TIE1: variants seen among roughly 807,000 people sequenced by gnomAD.
TIE1 encodes the protein tyrosine kinase with immunoglobulin like and EGF like domains 1.
Under a neutral mutation model 130.5 loss-of-function variants are expected in TIE1, and 89 were observed. That is an observed-to-expected ratio of 0.68 (90% CI 0.57 to 0.81). The LOEUF (loss-of-function observed/expected upper bound fraction) is 0.81. Among genes scored for constraint, TIE1 ranks in the 40% least tolerant of loss-of-function variants. The pLI, the probability that TIE1 is intolerant of heterozygous loss-of-function variation, is 0.00. For synonymous variants in TIE1, 568 were observed against 629.4 expected, an observed-to-expected ratio of 0.90 and a Z score of 1.46; for missense variants, 1,392 against 1,559.8, an observed-to-expected ratio of 0.89 and a Z score of 1.81.
At chr1:43,320,638 G>A (rs1646905011) in intron 19 of TIE1, 1 of 152,196 alleles carries the variant, frequency 6.6e-6, no homozygotes, top group Non-Finnish European at 1.5e-5. Context: ...AGATCACAAG[G>A]TCAGGAGATC....
Position 43,312,703 on chromosome 1 carries a change from C to T in TIE1, c.1927+102C>T. 2.2e-6 allele frequency: 3 copies of T among 1,351,114 alleles called. No homozygotes were observed. In the South Asian group the frequency reaches 4.3e-5, roughly 19 times the overall value. The allele number at this position is 1,351,114 out of a possible 1,614,324, so 83.7% of individuals were successfully genotyped here. ...CGGGAGGCTGTAGGAGATTAATGGA[C>T]ATGGAGAGGACACAGGACACACATA... On this transcript the variant is annotated intron_variant, in intron 12 of 22. Transcript: ENST00000372476. This position sits in a 1 kb window ranked among gnomAD's most constrained non-coding sequence, Gnocchi z 5.6.
Position 43,305,219 on chromosome 1 carries a change from C to T in TIE1, c.374-14C>T, listed in dbSNP as rs904551111. On this transcript the variant is annotated splice_polypyrimidine_tract_variant and intron_variant, in intron 2 of 22. Transcript: ENST00000372476. Reference sequence around the variant, plus strand: ...GGGGAAAACCAGGCCGCTGACCCACCTTCCACCCCGCAGCCCACCTGCTTC... The same window carrying T: ...GGGGAAAACCAGGCCGCTGACCCACTTTCCACCCCGCAGCCCACCTGCTTC... 2.5e-6 allele frequency: 4 copies of T among 1,613,822 alleles called. No individual in the cohort carries two copies. The Admixed American group carries it at 5.0e-5, about 20-fold the overall frequency.
intron 14 of TIE1, chr1:43,314,231 T>C: frequency 2.9e-6 from 2 of 681,072 alleles, no homozygotes; most frequent in East Asian, 3.8e-5. Context: ...GTGATGACCA[T>C]ATTTCACAAT....
In TIE1 at chr1:43,313,287, G is replaced by A; in HGVS notation, c.2080G>A (p.Asp694Asn). ...AGGAGDPLWIDVDRPEETSTI... is the reference protein window; with the variant it reads ...AGGAGDPLWINVDRPEETSTI... ...GGGTGCAGGAGACCCACTGTGGATA[G>A]ACGTGGACAGGCCTGAGGAGACAAG... Residue 694 changes from aspartate to asparagine, a missense_variant, in exon 13 of 23, where the codon GAC becomes AAC. Physicochemically the swap from Asp to Asn is conservative, Grantham distance 23 (BLOSUM62 1). Transcript: ENST00000372476. This position sits in a 1 kb window ranked among gnomAD's most constrained non-coding sequence, Gnocchi z 6.2. 6.2e-7 allele frequency: 1 copy of A among 1,614,046 alleles called. No individual in the cohort carries two copies. Among genetic ancestry groups the A allele is most frequent in the South Asian group, 1.1e-5 (1 of 91,082 alleles).
rs201860562 is a variant in TIE1, at chr1:43,313,466, G to C, written c.2218+41G>C. ...CCACAGGACCCCCCGGGCTCTGAGC[G>C]GGGAGAGCTCAGCACGCTCTCCTTC... On this transcript the variant is annotated intron_variant, in intron 13 of 22. Coordinates refer to ENST00000372476, the MANE Select transcript of TIE1 (RefSeq NM_005424.5). The surrounding 1 kb of genome is among the most constrained non-coding windows in gnomAD (Gnocchi z 6.2). The C allele has an allele frequency of 3.1e-6, 5 of 1,608,236 alleles. No individual in the cohort carries two copies. Among genetic ancestry groups the C allele is most frequent in the South Asian group, 1.1e-5 (1 of 90,696 alleles).
In TIE1 at chr1:43,318,194, T is replaced by G; in HGVS notation, c.2922+122T>G. ...GAGGTTCCTGGCCCAAGTGTGTGGG[T>G]GGGTGCAAGCACAGCGAGGAGGCAG... On this transcript the variant is annotated intron_variant, in intron 17 of 22. Coordinates refer to ENST00000372476, the MANE Select transcript of TIE1 (RefSeq NM_005424.5). This position sits in a 1 kb window ranked among gnomAD's most constrained non-coding sequence, Gnocchi z 4.4. The G allele has an allele frequency of 6.3e-6, 8 of 1,277,766 alleles. No homozygotes were observed. Among genetic ancestry groups the G allele is most frequent in the Non-Finnish European group, 8.4e-6 (8 of 949,994 alleles). 79.2% of individuals were successfully genotyped at this position (1,277,766 alleles called of 1,614,324 possible).
chr1:43,314,759 C>G (rs1465499693), intron 14 of TIE1, among the ~76,000 whole-genome samples: 1 of 151,954 alleles, frequency 6.6e-6, no homozygotes, highest in Non-Finnish European at 1.5e-5. Flanking sequence ...ACCCGGGAGG[C>G]GGAGGTTGCA....
Position 43,312,147 on chromosome 1 carries a change from T to C in TIE1, c.1630+16T>C, listed in dbSNP as rs755691096. The stretch of plus-strand genomic sequence containing the variant: ...GACTGTCCTGGTGAGAGGCCAAGAG[T>C]CATCCCTTCCTGTCCCCCCAAGGGT... On this transcript the variant is annotated intron_variant, in intron 11 of 22. Coordinates refer to ENST00000372476, the MANE Select transcript of TIE1 (RefSeq NM_005424.5). This position sits in a 1 kb window ranked among gnomAD's most constrained non-coding sequence, Gnocchi z 5.6. 5 of 1,521,242 alleles carry C rather than the reference T, an allele frequency of 3.3e-6. No homozygotes were observed. The Admixed American group carries it at 1.1e-4, about 33-fold the overall frequency. The allele number at this position is 1,521,242 out of a possible 1,614,324, so 94.2% of individuals were successfully genotyped here.
At chr1:43,301,474 G>T (rs1480175546) in intron 1 of TIE1, among the ~76,000 whole-genome samples, 4 of 147,334 alleles carry the variant, frequency 2.7e-5, no homozygotes, top group African/African-American at 7.6e-5. Flanking sequence ...TTAGACTTTC[G>T]TCTTTTTCAA....
intron 1 of TIE1, among the ~76,000 whole-genome samples, chr1:43,303,890 A>G (rs1313779210): frequency 6.6e-6 from 1 of 152,106 alleles, no homozygotes; most frequent in Non-Finnish European, 1.5e-5. Context: ...CCCAGGCTGG[A>G]GCAGGGGTCC....
chr1:43,300,989 C>T lies in TIE1; in HGVS notation c.-83C>T, dbSNP rs1206003104. 2.1e-6 allele frequency: 3 copies of T among 1,411,208 alleles called. No homozygotes were observed. In the African/African-American group the frequency reaches 4.3e-5, roughly 20 times the overall value. The allele number at this position is 1,411,208 out of a possible 1,614,324, so 87.4% of individuals were successfully genotyped here. On this transcript the variant is annotated 5_prime_UTR_variant, in exon 1 of 23. Coordinates refer to ENST00000372476, the MANE Select transcript of TIE1 (RefSeq NM_005424.5). ...CCTCCCCAGCACCGACCCACACTGA[C>T]CAACACAGGCTGAGCAGTCAGGCCC...
Position 43,319,296 on chromosome 1 carries a change from T to A in TIE1, c.2984T>A (p.Ile995Asn), listed in dbSNP as rs762544780. ...GTCGGAGAGAACCTAGCCTCCAAGA[T>A]TGCAGACTTCGGCCTTTCTCGGGGA... is the stretch of plus-strand genomic sequence containing the variant. ...VLVGENLASK[I>N]ADFGLSRGEE... Residue 995 changes from isoleucine to asparagine, a missense_variant, in exon 18 of 23, where the codon ATT becomes AAT. Coordinates refer to ENST00000372476, the MANE Select transcript of TIE1 (RefSeq NM_005424.5). The surrounding 1 kb of genome is among the most constrained non-coding windows in gnomAD (Gnocchi z 4.7). 6 of 1,614,034 alleles carry A rather than the reference T, an allele frequency of 3.7e-6. No individual in the cohort carries two copies. Among genetic ancestry groups the A allele is most frequent in the Admixed American group, 1.7e-5 (1 of 60,016 alleles).
chr1:43,301,705 CTAAAAA>C (rs1321048502), intron 1 of TIE1, among the ~76,000 whole-genome samples: 1 of 151,504 alleles, frequency 6.6e-6, no homozygotes, highest in East Asian at 1.9e-4. Context: ...CCCATCTCTA[CTAAAAA>C]TACAAAAATT....
intron 14 of TIE1, 155 bp downstream of exon 14, chr1:43,314,123 A>G: frequency 1.1e-6 from 1 of 927,196 alleles, no homozygotes; most frequent in South Asian, 1.4e-5. Flanking sequence ...CAAGGGTACA[A>G]AATATAATTT....
At chr1:43,301,658 C>A (rs1176286934) in intron 1 of TIE1, among the ~76,000 whole-genome samples, 1 of 151,430 alleles carries the variant, frequency 6.6e-6, no homozygotes, top group African/African-American at 2.4e-5. Flanking sequence ...ATCACAGGGT[C>A]AGGAGATCGA....
At chr1:43,321,191 C>T in intron 19 of TIE1, 78 bp from the exon 20 acceptor site, 2 of 1,498,030 alleles carry the variant, frequency 1.3e-6, no homozygotes, top group Non-Finnish European at 1.9e-6. Flanking sequence ...GGAGGCACTG[C>T]ACATCTTGGG....
In TIE1 at chr1:43,308,397, TA is replaced by T. The variant is rs1292236752; in HGVS notation, c.1042+474del. 6.2e-3 allele frequency among the ~76,000 whole-genome samples: 926 copies of T among 148,878 alleles called. 7 individuals carry two copies. The highest frequency in any genetic ancestry group is 0.02 in the African/African-American group (788 of 39,462). On this transcript the variant is annotated intron_variant, in intron 7 of 22. Coordinates refer to ENST00000372476, the MANE Select transcript of TIE1 (RefSeq NM_005424.5). ...AGGTTTGGGTGCCAGGACAGTGGAG[TA>T]GGGGACCCAGGGATTGGGGACTCAG... is the stretch of plus-strand genomic sequence containing the variant.
Position 43,306,711 on chromosome 1 carries a change from C to T in TIE1, c.485-129C>T, listed in dbSNP as rs1646731360. ...GCTTTCTGGCGTGGGCATAGGCTCT[C>T]GTGGTGCCGGCCCTAGGTCTCATCA... On this transcript the variant is annotated intron_variant, in intron 3 of 22. Coordinates refer to ENST00000372476, the MANE Select transcript of TIE1 (RefSeq NM_005424.5). This position sits in a 1 kb window ranked among gnomAD's most constrained non-coding sequence, Gnocchi z 4.9. 4 of 1,228,098 alleles carry T rather than the reference C, an allele frequency of 3.3e-6. No homozygotes were observed. Among genetic ancestry groups the T allele is most frequent in the South Asian group, 1.5e-5 (1 of 67,302 alleles). The allele number at this position is 1,228,098 out of a possible 1,614,324, so 76.1% of individuals were successfully genotyped here. A position where few individuals can be genotyped will look rare whatever the true frequency, so the allele number is the denominator to read the frequency against.
At chr1:43,311,920 G>A in intron 10 of TIE1, 74 bp from the exon 11 acceptor site, 6 of 1,567,686 alleles carry the variant, frequency 3.8e-6, no homozygotes, top group Non-Finnish European at 5.2e-6. Flanking sequence ...ATGGTGCGAG[G>A]GGGCTGAAGG....
Sources: gnomAD v4.1 joint callset for allele counts (sites outside exome capture counted in the v4.1 genomes callset) on GRCh38, gnomAD v4.1.1 for gene constraint, Gnocchi (gnomAD v3.1) non-coding constraint, MANE v1.5 for transcripts, NCBI Gene and HGNC (gene_info 2026-07-23, HGNC 2026-07-21) for gene names.